Variants in SLC24A3 observed in about 807,000 individuals in gnomAD.
SLC24A3 encodes solute carrier family 24 member 3.
In SLC24A3, 28 loss-of-function variants were observed where a neutral mutation model predicts 75.8. The observed-to-expected ratio is 0.37, with a 90% confidence interval of 0.27 to 0.51. The LOEUF is 0.51. SLC24A3 is among the 20% of genes least tolerant of loss of function. The pLI is 0.94. For missense variants in SLC24A3, 663 were observed against 847.8 expected, an observed-to-expected ratio of 0.78 and a Z score of 2.71; for synonymous variants, 372 against 334.1, an observed-to-expected ratio of 1.11 and a Z score of -1.24.
At chr20:19,702,971 G>A (rs899254327) in intron 15 of SLC24A3, among the ~76,000 whole-genome samples, 4 of 152,142 alleles carry the variant, frequency 2.6e-5, no homozygotes, top group African/African-American at 9.7e-5. Context: ...CATAAGTAAT[G>A]CTAACTTCCA....
intron 1 of SLC24A3, among the ~76,000 whole-genome samples, chr20:19,258,422 A>C (rs553361764): frequency 6.6e-6 from 1 of 152,326 alleles, no homozygotes; most frequent in Non-Finnish European, 1.5e-5. Context: ...AACTATAATG[A>C]TGGTGGGGTG....
intron 2 of SLC24A3, among the ~76,000 whole-genome samples, chr20:19,331,396 A>C (rs947710963): frequency 6.6e-6 from 1 of 152,166 alleles, no homozygotes; most frequent in African/African-American, 2.4e-5. Flanking sequence ...AGGTAGATAG[A>C]GTAGATATGA....
intron 2 of SLC24A3, among the ~76,000 whole-genome samples, chr20:19,441,037 C>A (rs571900168): frequency 6.6e-6 from 1 of 152,256 alleles, no homozygotes; most frequent in South Asian, 2.1e-4. Context: ...CATCGCATAC[C>A]TGCAGCCATG....
At chr20:19,582,601 A>C (rs951285779) in intron 4 of SLC24A3, among the ~76,000 whole-genome samples, 1 of 152,246 alleles carries the variant, frequency 6.6e-6, no homozygotes, top group African/African-American at 2.4e-5. Flanking sequence ...CACCTGCTCC[A>C]TGCCAGCCCC....
At chr20:19,373,039 A>G (rs754191375) in intron 2 of SLC24A3, among the ~76,000 whole-genome samples, 18 of 147,318 alleles carry the variant, frequency 1.2e-4, no homozygotes, top group Non-Finnish European at 1.8e-4. Flanking sequence ...ATAAAGAAAG[A>G]AAGAAATTCT....
chr20:19,707,368 G>T (rs1211372647), intron 15 of SLC24A3, among the ~76,000 whole-genome samples: 3 of 152,102 alleles, frequency 2.0e-5, no homozygotes, highest in Non-Finnish European at 1.5e-5. Context: ...AGAGACTACA[G>T]AAAAAAATAA....
At chr20:19,603,778 G>T (rs1020317287) in intron 6 of SLC24A3, among the ~76,000 whole-genome samples, 1 of 150,736 alleles carries the variant, frequency 6.6e-6, no homozygotes, top group African/African-American at 2.4e-5. Flanking sequence ...CATATTCAAA[G>T]AAAAAAAAAC....
intron 2 of SLC24A3, among the ~76,000 whole-genome samples, chr20:19,301,000 CT>C (rs1401307381): frequency 6.6e-6 from 1 of 152,158 alleles, no homozygotes; most frequent in East Asian, 1.9e-4. Flanking sequence ...GCACACCTAA[CT>C]TGCTTTTAGG....
chr20:19,612,091 G>A lies in SLC24A3; in HGVS notation c.612+26547G>A, dbSNP rs151290756. Among the ~76,000 whole-genome samples the A allele has an allele frequency of 2.0e-3, 311 of 152,206 alleles. 5 individuals carry two copies. In the East Asian group the frequency reaches 0.032, roughly 16 times the overall value. ...TGTGCGCTGATGAGGCTAGCCACCC[G>A]TCCCTAGTTGTCTACTTGACAGTCT... is the stretch of plus-strand genomic sequence containing the variant. On this transcript the variant is annotated intron_variant, in intron 6 of 16. Transcript: ENST00000328041.
chr20:19,272,340 A>G (rs1050297048), intron 1 of SLC24A3, among the ~76,000 whole-genome samples: 1 of 152,262 alleles, frequency 6.6e-6, no homozygotes, highest in Non-Finnish European at 1.5e-5. Flanking sequence ...TGGAGAGATC[A>G]AGCTGTGCAC....
chr20:19,662,945 C>T (rs1309963816), intron 7 of SLC24A3, among the ~76,000 whole-genome samples: 1 of 152,200 alleles, frequency 6.6e-6, no homozygotes, highest in Non-Finnish European at 1.5e-5. Flanking sequence ...AGCGCCAGTC[C>T]TAATTTCCAG....
chr20:19,397,301 C>T (rs111546607), intron 2 of SLC24A3, among the ~76,000 whole-genome samples: 1 of 152,132 alleles, frequency 6.6e-6, no homozygotes, highest in African/African-American at 2.4e-5. Context: ...TCAAGATACA[C>T]GCAATTTGTT....
intron 1 of SLC24A3, among the ~76,000 whole-genome samples, chr20:19,219,107 G>A (rs1417728162): frequency 6.6e-6 from 1 of 152,114 alleles, no homozygotes; most frequent in East Asian, 1.9e-4. Flanking sequence ...AAGTATTAAG[G>A]ACCCAAATGG....
chr20:19,231,098 T>A (rs1304555997), intron 1 of SLC24A3, among the ~76,000 whole-genome samples: 1 of 152,218 alleles, frequency 6.6e-6, no homozygotes, highest in East Asian at 1.9e-4. Flanking sequence ...TCATTTAAAT[T>A]AAAGTAACTT....
intron 2 of SLC24A3, among the ~76,000 whole-genome samples, chr20:19,457,729 A>G (rs946950089): frequency 6.6e-6 from 1 of 152,146 alleles, no homozygotes; most frequent in African/African-American, 2.4e-5. Context: ...CCATTTGAGG[A>G]CTCACATTCC....
In SLC24A3 at chr20:19,681,865, G is replaced by C; in HGVS notation, c.775G>C (p.Ala259Pro). Residue 259 changes from alanine (A) to proline (P), a missense_variant, in exon 10 of 17, where the codon GCT becomes CCT. Physicochemically the swap from Ala to Pro is conservative, Grantham distance 27. Around this residue, in one of 2 missense-constraint regions of SLC24A3, gnomAD observed 510 missense variants for 703.6 expected, o/e 0.72. Transcript: ENST00000328041. ...ACTTGTCGCTTTGCTCAGATATAACGCTTGCATACATCAGTGCTTTGAGAG... is the reference window on the plus strand; with the variant it reads ...ACTTGTCGCTTTGCTCAGATATAACCCTTGCATACATCAGTGCTTTGAGAG... The part of the protein sequence containing the change: ...LIYIVIMKYN[A>P]CIHQCFERRT... 6.2e-7 allele frequency: 1 copy of C among 1,614,076 alleles called. No individual in the cohort carries two copies. Among genetic ancestry groups the C allele is most frequent in the Non-Finnish European group, 8.5e-7 (1 of 1,179,986 alleles).
chr20:19,311,543 G>A (rs1984457620), intron 2 of SLC24A3, among the ~76,000 whole-genome samples: 2 of 152,112 alleles, frequency 1.3e-5, no homozygotes, highest in Admixed American at 6.5e-5. Flanking sequence ...AGGTGTGCAC[G>A]TTGGCCCCCA....
intron 2 of SLC24A3, among the ~76,000 whole-genome samples, chr20:19,437,432 C>G (rs976320703): frequency 2.6e-5 from 4 of 152,226 alleles, no homozygotes; most frequent in African/African-American, 7.2e-5. Flanking sequence ...GCCTCCCCAG[C>G]CATGCGGAAC....
chr20:19,532,437 C>T (rs2030319808), intron 3 of SLC24A3, among the ~76,000 whole-genome samples: 1 of 152,228 alleles, frequency 6.6e-6, no homozygotes, highest in Admixed American at 6.5e-5. Flanking sequence ...CATGGAGTCA[C>T]CACCACAGTG....
Sources: gnomAD v4.1 joint callset for allele counts (sites outside exome capture counted in the v4.1 genomes callset) on GRCh38, gnomAD v4.1.1 for gene constraint, gnomAD v4.1.1 regional missense constraint, MANE v1.5 for transcripts, NCBI Gene and HGNC (gene_info 2026-07-23, HGNC 2026-07-21) for gene names.